The following METTL24 variants were observed in gnomAD, a reference collection of about 807,000 sequenced individuals.
METTL24 encodes methyltransferase like 24, also known as probable methyltransferase-like protein 24.
A neutral mutation model predicts 32.7 loss-of-function variants in METTL24; 29 were observed. That is an observed-to-expected ratio of 0.89 (90% CI 0.66 to 1.21). The LOEUF (loss-of-function observed/expected upper bound fraction) is 1.21. METTL24 is among the 50% of genes most tolerant of loss of function. The pLI is 0.00. For missense variants in METTL24, 439 were observed against 468.1 expected (o/e 0.94, Z 0.57); for synonymous variants, 163 against 179.5 (o/e 0.91, Z 0.73).
At chr6:110,303,498 C>A (rs1025792342) in intron 3 of METTL24, among the ~76,000 whole-genome samples, 1 of 152,206 alleles carries the variant, frequency 6.6e-6, no homozygotes, top group African/African-American at 2.4e-5. Flanking sequence ...TCTGCCATTA[C>A]TGAGGCTTAA....
chr6:110,356,980 G>A (rs1269821499), intron 1 of METTL24, among the ~76,000 whole-genome samples: 1 of 152,188 alleles, frequency 6.6e-6, no homozygotes, highest in Non-Finnish European at 1.5e-5. Context: ...CAGCAGCGAG[G>A]CAAAGGAAGA....
intron 3 of METTL24, among the ~76,000 whole-genome samples, chr6:110,312,363 G>A (rs1427810459): frequency 1.3e-5 from 2 of 152,154 alleles, no homozygotes; most frequent in East Asian, 3.8e-4. Flanking sequence ...TATATCCAAA[G>A]GAAGGGAAAG....
intron 3 of METTL24, among the ~76,000 whole-genome samples, chr6:110,306,635 G>A (rs890760275): frequency 1.3e-5 from 2 of 152,028 alleles, no homozygotes; most frequent in Admixed American, 6.6e-5. Context: ...TACCACATTG[G>A]AATGTAATAA....
rs1187470659 is a variant in METTL24 at position 110,245,419 on chromosome 6, C to T, written c.*527G>A. On this transcript the variant is annotated 3_prime_UTR_variant, in exon 5 of 5. Coordinates refer to ENST00000338882, the MANE Select transcript of METTL24 (RefSeq NM_001123364.3). ...GAGTTCCCAGAAATCAGAAGTATTG[C>T]TGCTTAGAAAGCCACAGCATGGCCT... 6.6e-6 allele frequency among the ~76,000 whole-genome samples: 1 copy of T among 152,124 alleles called. No homozygotes were observed. Among genetic ancestry groups the T allele is most frequent in the Admixed American group, 6.5e-5 (1 of 15,268 alleles).
chr6:110,315,297 G>A, intron 3 of METTL24, 45 bp downstream of exon 3: 1 of 1,609,926 alleles, frequency 6.2e-7, no homozygotes, highest in Non-Finnish European at 8.5e-7. Flanking sequence ...TGAGCTGCCT[G>A]AAGCAGTGTT....
At chr6:110,254,723 A>G (rs1219568562) in intron 4 of METTL24, among the ~76,000 whole-genome samples, 1 of 152,208 alleles carries the variant, frequency 6.6e-6, no homozygotes, top group African/African-American at 2.4e-5. Flanking sequence ...TTCATTCTCC[A>G]TATTCATTAC....
At chr6:110,292,479 A>G (rs1223840300) in intron 4 of METTL24, among the ~76,000 whole-genome samples, 1 of 151,648 alleles carries the variant, frequency 6.6e-6, no homozygotes, top group Non-Finnish European at 1.5e-5. Flanking sequence ...ACTGTTTTTC[A>G]TCAACTATTT....
At chr6:110,337,487 C>T (rs1176037353) in intron 1 of METTL24, among the ~76,000 whole-genome samples, 1 of 152,012 alleles carries the variant, frequency 6.6e-6, no homozygotes, top group Non-Finnish European at 1.5e-5. Flanking sequence ...ATGAATGTAC[C>T]CCTACAGCAC....
chr6:110,300,114 T>A (rs1410449289), intron 3 of METTL24, among the ~76,000 whole-genome samples: 1 of 152,172 alleles, frequency 6.6e-6, no homozygotes, highest in African/African-American at 2.4e-5. Flanking sequence ...TCCATAGCTG[T>A]GGGTTCCACG....
chr6:110,297,626 TACA>T (rs1771442859), intron 4 of METTL24, among the ~76,000 whole-genome samples: 1 of 152,250 alleles, frequency 6.6e-6, no homozygotes, highest in East Asian at 1.9e-4. Context: ...AAAACAGATC[TACA>T]AAGGTAACGA....
intron 4 of METTL24, among the ~76,000 whole-genome samples, chr6:110,264,188 C>T (rs10782167): frequency 0.94 from 142,072 of 151,572 alleles, 66,689 homozygotes; most frequent in East Asian, 1. Flanking sequence ...ACAGGCAACC[C>T]ACAGAATGGG....
intron 1 of METTL24, among the ~76,000 whole-genome samples, chr6:110,356,103 A>AT (rs11394464): frequency 0.24 from 36,693 of 152,072 alleles, 4,870 homozygotes; most frequent in African/African-American, 0.34. Context: ...AGGATGGAAC[A>AT]TTGAGGACAT....
intron 1 of METTL24, among the ~76,000 whole-genome samples, chr6:110,329,833 G>A (rs1300297724): frequency 3.9e-5 from 6 of 152,318 alleles, no homozygotes; most frequent in East Asian, 1.9e-4. Context: ...TTTCCGTTCT[G>A]GGTAAGCACA....
intron 4 of METTL24, among the ~76,000 whole-genome samples, chr6:110,284,082 A>T (rs1407292621): frequency 1.3e-5 from 2 of 152,218 alleles, no homozygotes; most frequent in African/African-American, 4.8e-5. Context: ...AACCTTGAAA[A>T]CATTATGCAA....
At chr6:110,319,443 A>AGATAGAT (rs1226538029) in intron 2 of METTL24, among the ~76,000 whole-genome samples, 2 of 152,004 alleles carry the variant, frequency 1.3e-5, no homozygotes, top group African/African-American at 4.8e-5. Context: ...ATAGATAGAT[A>AGATAGAT]GATAGATAGA....
rs561844155 is a variant in METTL24 at position 110,336,909 on chromosome 6, T to C, written c.319-14037A>G. Among the ~76,000 whole-genome samples the C allele has an allele frequency of 3.3e-5, 5 of 152,240 alleles. No homozygotes were observed. The South Asian group carries it at 1.0e-3, about 32-fold the overall frequency. ...GTAGAACTAATATTCAACCCATCAA[T>C]CGCATTATTGGGTATGTACCCAGAG... On this transcript the variant is annotated intron_variant, in intron 1 of 4. Transcript: ENST00000338882.
At chr6:110,349,085 C>G (rs1158000603) in intron 1 of METTL24, among the ~76,000 whole-genome samples, 1 of 152,194 alleles carries the variant, frequency 6.6e-6, no homozygotes, top group Non-Finnish European at 1.5e-5. Flanking sequence ...GCATCCCAAA[C>G]AGCGAACGTG....
chr6:110,295,894 A>G (rs1448379558), intron 4 of METTL24, among the ~76,000 whole-genome samples: 1 of 152,182 alleles, frequency 6.6e-6, no homozygotes, highest in Non-Finnish European at 1.5e-5. Context: ...GAGTTTACTG[A>G]AAACAATTGA....
intron 1 of METTL24, among the ~76,000 whole-genome samples, chr6:110,329,051 A>G (rs1420781822): frequency 1.3e-5 from 2 of 152,238 alleles, no homozygotes; most frequent in African/African-American, 4.8e-5. Context: ...TCAAGGCTAC[A>G]GTCCTTTGGA....
Sources: gnomAD v4.1 joint callset for allele counts (sites outside exome capture counted in the v4.1 genomes callset) on GRCh38, gnomAD v4.1.1 for gene constraint, MANE v1.5 for transcripts, NCBI Gene and HGNC (gene_info 2026-07-23, HGNC 2026-07-21) for gene names.